Variants in SLC26A4 observed in about 807,000 individuals in gnomAD.
SLC26A4 encodes the protein pendrin.
SLC26A4 carries 93 observed loss-of-function variants against 90.4 expected under a neutral mutation model. The ratio of observed to expected loss-of-function variants is 1.03; its 90% CI spans 0.87 to 1.22. The LOEUF is 1.22. Ranked by LOEUF, SLC26A4 falls within the 50% of genes most tolerant of loss-of-function variation. SLC26A4 has a pLI of 0.00. For synonymous variants in SLC26A4, 393 were observed against 354.6 expected (o/e 1.11, Z -1.22); for missense variants, 1,127 against 946.2 (o/e 1.19, Z -2.51).
intron 12 of SLC26A4, among the ~76,000 whole-genome samples, chr7:107,695,338 G>T (rs117078143): frequency 6.6e-6 from 1 of 152,274 alleles, no homozygotes; most frequent in East Asian, 1.9e-4. Context: ...GGAGAAGGGG[G>T]AGGGTTGTGA....
In SLC26A4 at chr7:107,663,419, A is replaced by C. The variant is rs1790622297; in HGVS notation, c.288A>C (p.Leu96=). 6.2e-7 allele frequency: 1 copy of C among 1,613,868 alleles called. No homozygotes were observed. Among genetic ancestry groups the C allele is most frequent in the Admixed American group, 1.7e-5 (1 of 60,002 alleles). The part of the protein sequence containing the change: ...SDVISGVSTG[L]VATLQGMAYA... The stretch of plus-strand genomic sequence containing the variant: ...TCATTTCGGGAGTTAGTACTGGGCT[A>C]GTGGCCACGCTGCAAGGTAAGATGT... Residue 96 remains leucine, a synonymous_variant, in exon 3 of 21, where the codon CTA becomes CTC. Coordinates refer to ENST00000644269, the MANE Select transcript of SLC26A4 (RefSeq NM_000441.2).
At chr7:107,714,398 G>A (rs1792283239) in intron 20 of SLC26A4, among the ~76,000 whole-genome samples, 2 of 152,284 alleles carry the variant, frequency 1.3e-5, no homozygotes, top group South Asian at 4.2e-4. Context: ...AGGATGACAG[G>A]CAGAGATTTC....
intron 18 of SLC26A4, among the ~76,000 whole-genome samples, chr7:107,706,529 C>T (rs1792041423): frequency 6.6e-6 from 1 of 152,202 alleles, no homozygotes; most frequent in Admixed American, 6.5e-5. Context: ...CGTCTTGATG[C>T]TATGAAGTCA....
intron 8 of SLC26A4, 34 bp downstream of exon 8, chr7:107,683,571 T>A: frequency 6.8e-7 from 1 of 1,463,582 alleles, no homozygotes; most frequent in Non-Finnish European, 9.6e-7. Flanking sequence ...ACTAATACAT[T>A]AAGTCAGTAA....
rs1020498417 is a variant in SLC26A4, at chr7:107,701,871, G to A, written c.1848G>A (p.Glu616=). ...SDAVSTNNAF[E]PDEDIEDLEE... is the part of the protein sequence containing the mutation. ...CTGTTTCAACAAATAATGCTTTTGAGCCTGATGAGGATATTGAAGATCTGG... is the reference window on the plus strand; with the variant it reads ...CTGTTTCAACAAATAATGCTTTTGAACCTGATGAGGATATTGAAGATCTGG... The change falls in exon 17 of 21, where the codon GAG becomes GAA. Residue 616 remains glutamate (E), a synonymous_variant. Transcript: ENST00000644269. The A allele has an allele frequency of 6.2e-7, 1 of 1,613,294 alleles. No homozygotes were observed. The highest frequency in any genetic ancestry group is 8.5e-7 in the Non-Finnish European group (1 of 1,179,276).
chr7:107,687,304 G>T (rs921244467), intron 8 of SLC26A4, among the ~76,000 whole-genome samples: 14 of 152,216 alleles, frequency 9.2e-5, no homozygotes, highest in East Asian at 1.9e-4. Flanking sequence ...AAGGACAAAA[G>T]GCTTACTTAC....
In SLC26A4 at chr7:107,661,579, C is replaced by G; in HGVS notation, c.-3-60C>G. 6.6e-7 allele frequency: 1 copy of G among 1,504,718 alleles called. No homozygotes were observed. The highest frequency in any genetic ancestry group is 2.0e-5 in the Admixed American group (1 of 50,964). The allele number at this position is 1,504,718 out of a possible 1,614,324, so 93.2% of individuals were successfully genotyped here. Reference sequence around the variant, plus strand: ...CCCGTTCTTTCTGTTCCTCGCTCTTCCCCTCCGATCGTCCTCGCTTACCGC... The same window carrying G: ...CCCGTTCTTTCTGTTCCTCGCTCTTGCCCTCCGATCGTCCTCGCTTACCGC... On this transcript the variant is annotated intron_variant, in intron 1 of 20. Transcript: ENST00000644269. The surrounding 1 kb of genome is among the most constrained non-coding windows in gnomAD (Gnocchi z 5.1).
chr7:107,672,172 C>T lies in SLC26A4; in HGVS notation c.339C>T (p.Val113=), dbSNP rs780236833. 1.3e-5 allele frequency: 21 copies of T among 1,612,680 alleles called. No individual in the cohort carries two copies. Among genetic ancestry groups the T allele is most frequent in the Middle Eastern group, 1.6e-4 (1 of 6,074 alleles). Reference sequence around the variant, plus strand: ...ATGCCCTACTAGCTGCAGTTCCTGTCGGATATGGTCTCTACTCTGCTTTTT... The same window carrying T: ...ATGCCCTACTAGCTGCAGTTCCTGTTGGATATGGTCTCTACTCTGCTTTTT... ...MAYALLAAVP[V]GYGLYSAFFP... is the part of the protein sequence containing the mutation. The change falls in exon 4 of 21, where the codon GTC becomes GTT. Residue 113 remains valine (V), a synonymous_variant. Coordinates refer to ENST00000644269, the MANE Select transcript of SLC26A4 (RefSeq NM_000441.2).
At chr7:107,674,862 A>C in intron 5 of SLC26A4, 83 bp from the exon 6 acceptor site, 2 of 1,329,378 alleles carry the variant, frequency 1.5e-6, no homozygotes, top group Non-Finnish European at 1.1e-6. Flanking sequence ...TTTCATTGGT[A>C]TTAAGCTTGA....
At chr7:107,713,154 G>A (rs1057132169) in intron 20 of SLC26A4, among the ~76,000 whole-genome samples, 3 of 152,156 alleles carry the variant, frequency 2.0e-5, no homozygotes, top group Non-Finnish European at 4.4e-5. Context: ...AAATTTTGCA[G>A]CTTCGCCACT....
intron 3 of SLC26A4, among the ~76,000 whole-genome samples, chr7:107,666,233 T>A (rs570634948): frequency 2.0e-5 from 3 of 152,238 alleles, no homozygotes; most frequent in Admixed American, 1.3e-4. Context: ...TATTTTTATA[T>A]TTTTTTGAGA....
intron 10 of SLC26A4, chr7:107,693,385 G>A (rs1791633338): frequency 1.0e-6 from 1 of 985,248 alleles, no homozygotes; most frequent in African/African-American, 1.7e-5. Flanking sequence ...CAATTTGCCA[G>A]GTAGAGCAAG....
chr7:107,667,973 G>T (rs1790763790), intron 3 of SLC26A4, among the ~76,000 whole-genome samples: 1 of 152,102 alleles, frequency 6.6e-6, no homozygotes, highest in Non-Finnish European at 1.5e-5. Flanking sequence ...GCAGATTGAG[G>T]TAAGTAGGGG....
chr7:107,706,848 C>T (rs1193856478), intron 18 of SLC26A4, among the ~76,000 whole-genome samples: 4 of 152,128 alleles, frequency 2.6e-5, no homozygotes, highest in Admixed American at 2.0e-4. Flanking sequence ...AGAGGAAAAG[C>T]AAATGTTTCA....
chr7:107,702,262 G>A (rs1379764641), intron 17 of SLC26A4, among the ~76,000 whole-genome samples: 2 of 152,212 alleles, frequency 1.3e-5, no homozygotes, highest in East Asian at 3.8e-4. Context: ...CTTACTAGCA[G>A]TACGACCCTG....
In SLC26A4 at chr7:107,700,139, C is replaced by A; in HGVS notation, c.1671C>A (p.Gly557=). The change falls in exon 15 of 21, where the codon GGC becomes GGA. Residue 557 remains glycine (G), a synonymous_variant. Coordinates refer to ENST00000644269, the MANE Select transcript of SLC26A4 (RefSeq NM_000441.2). ...ILRFSSPIFY[G]NVDGFKKCIK... is the part of the protein sequence containing the mutation. Reference sequence around the variant, plus strand: ...GATTTTCCAGTCCTATTTTCTATGGCAATGTCGATGGTTTTAAAAAATGTA... The same window carrying A: ...GATTTTCCAGTCCTATTTTCTATGGAAATGTCGATGGTTTTAAAAAATGTA... 6.3e-7 allele frequency: 1 copy of A among 1,591,256 alleles called. No homozygotes were observed.
intron 18 of SLC26A4, among the ~76,000 whole-genome samples, chr7:107,709,573 C>T (rs1014354442): frequency 7.2e-5 from 11 of 152,088 alleles, no homozygotes; most frequent in Non-Finnish European, 1.2e-4. Flanking sequence ...CAGCTCCCAA[C>T]GGGCAAGGGA....
chr7:107,683,307 C>G lies in SLC26A4; in HGVS notation c.871C>G (p.Arg291Gly), dbSNP rs775610413. 1 of 1,613,494 alleles carries G rather than the reference C, an allele frequency of 6.2e-7. No homozygotes were observed. Among genetic ancestry groups the G allele is most frequent in the African/African-American group, 1.3e-5 (1 of 74,970 alleles). ...VCMAVKELND[R>G]FRHKIPVPIP... Reference sequence around the variant, plus strand: ...TATGGCAGTTAAGGAATTAAATGATCGGTTTAGACACAAAATCCCAGTCCC... The same window carrying G: ...TATGGCAGTTAAGGAATTAAATGATGGGTTTAGACACAAAATCCCAGTCCC... Residue 291 changes from arginine to glycine, a missense_variant, in exon 7 of 21, where the codon CGG becomes GGG. Arg to Gly is a moderately radical substitution (Grantham distance 125). Transcript: ENST00000644269.
rs1792334908 is a variant in SLC26A4 at position 107,715,900 on chromosome 7, T to C, written c.*454T>C. On this transcript the variant is annotated 3_prime_UTR_variant, in exon 21 of 21. Coordinates refer to ENST00000644269, the MANE Select transcript of SLC26A4 (RefSeq NM_000441.2). ...ACATTTAGTAAATGCTGAAATAAAA[T>C]GATTAATGCATTTATCAATAAAAGC... is the stretch of plus-strand genomic sequence containing the variant. 6.3e-6 allele frequency: 1 copy of C among 159,512 alleles called. No individual in the cohort carries two copies. The highest frequency in any genetic ancestry group is 2.4e-5 in the African/African-American group (1 of 41,696). 9.9% of individuals were successfully genotyped at this position (159,512 alleles called of 1,614,324 possible). A position where few individuals can be genotyped will look rare whatever the true frequency, so the allele number is the denominator to read the frequency against.
Sources: allele counts gnomAD v4.1 joint callset (sites outside exome capture counted in the v4.1 genomes callset), GRCh38; gene constraint gnomAD v4.1.1; non-coding constraint Gnocchi (gnomAD v3.1); transcripts MANE v1.5; gene names NCBI Gene and HGNC (gene_info 2026-07-23, HGNC 2026-07-21).